Variants in TPST1 observed in about 807,000 individuals in gnomAD.
TPST1 encodes the protein tyrosylprotein sulfotransferase 1.
In TPST1, 20 loss-of-function variants were observed where a neutral mutation model predicts 34.8. The observed-to-expected ratio is 0.57, with a 90% confidence interval of 0.40 to 0.84. The LOEUF is 0.84. Ranked by LOEUF, TPST1 falls within the 40% of genes least tolerant of loss-of-function variation. TPST1 has a pLI of 0.00. For missense variants in TPST1, 353 were observed against 455.5 expected, an observed-to-expected ratio of 0.78 and a Z score of 2.05; for synonymous variants, 152 against 159.4, an observed-to-expected ratio of 0.95 and a Z score of 0.35.
chr7:66,280,831 A>T (rs916956804), intron 2 of TPST1, among the ~76,000 whole-genome samples: 9 of 152,172 alleles, frequency 5.9e-5, no homozygotes, highest in Non-Finnish European at 1.3e-4. Flanking sequence ...TTGAAGTTTG[A>T]TAGATAGCAT....
rs1789406363 is a variant in TPST1, at chr7:66,216,232, T to A, written c.-102+10710T>A. On this transcript the variant is annotated intron_variant, in intron 1 of 5. Coordinates refer to ENST00000304842, the MANE Select transcript of TPST1 (RefSeq NM_003596.4). ...TTTGTTGGATTATGCTTGTTTATGA[T>A]CACTTTTATTTTTGTAGGGTTGGTA... is the stretch of plus-strand genomic sequence containing the variant. Among the ~76,000 whole-genome samples, 3 of 152,192 alleles carry A rather than the reference T, an allele frequency of 2.0e-5. No individual in the cohort carries two copies. The South Asian group carries it at 6.2e-4, about 31-fold the overall frequency.
intron 3 of TPST1, among the ~76,000 whole-genome samples, chr7:66,339,202 C>T (rs1792184370): frequency 6.6e-6 from 1 of 151,800 alleles, no homozygotes; most frequent in East Asian, 1.9e-4. Context: ...ACAAAAAGAT[C>T]ATTAGAGACT....
At chr7:66,354,236 A>G (rs1326544345) in intron 4 of TPST1, among the ~76,000 whole-genome samples, 1 of 152,188 alleles carries the variant, frequency 6.6e-6, no homozygotes, top group African/African-American at 2.4e-5. Flanking sequence ...ACCTGGGCAG[A>G]TTCATGAACA....
chr7:66,315,519 C>T (rs148480887), intron 3 of TPST1, among the ~76,000 whole-genome samples: 85 of 152,320 alleles, frequency 5.6e-4, no homozygotes, highest in African/African-American at 1.9e-3. Flanking sequence ...AGAGCTTGAC[C>T]TCCTGGGGCA....
chr7:66,200,997 G>A (rs531654527), upstream of TPST1, among the ~76,000 whole-genome samples: 34 of 152,232 alleles, frequency 2.2e-4, 1 homozygote, highest in African/African-American at 7.9e-4. Flanking sequence ...CAAAGTGCTG[G>A]CATTACAGGT....
intron 3 of TPST1, among the ~76,000 whole-genome samples, chr7:66,329,719 T>G (rs1310067086): frequency 6.6e-6 from 1 of 152,196 alleles, no homozygotes; most frequent in East Asian, 1.9e-4. Flanking sequence ...CCACTTCCAT[T>G]AGATAAAGAA....
At chr7:66,234,804 G>A (rs1195661126) in intron 1 of TPST1, among the ~76,000 whole-genome samples, 1 of 150,908 alleles carries the variant, frequency 6.6e-6, no homozygotes, top group Non-Finnish European at 1.5e-5. Flanking sequence ...AGCCTCCCCA[G>A]TAGCTGGGAC....
the TPST1 span, among the ~76,000 whole-genome samples, chr7:66,200,170 T>TA: frequency 6.6e-6 from 1 of 152,158 alleles, no homozygotes; most frequent in Non-Finnish European, 1.5e-5. Flanking sequence ...GAGGTTGCTG[T>TA]AGTAAGGAGT....
At chr7:66,281,581 A>T (rs911464686) in intron 2 of TPST1, among the ~76,000 whole-genome samples, 5 of 152,172 alleles carry the variant, frequency 3.3e-5, no homozygotes. Context: ...ATCTTCTTTC[A>T]CAAGACATGA....
At chr7:66,348,298 T>G (rs1249647111) in intron 3 of TPST1, among the ~76,000 whole-genome samples, 1 of 152,186 alleles carries the variant, frequency 6.6e-6, no homozygotes, top group Non-Finnish European at 1.5e-5. Context: ...TAAAGTCCAA[T>G]CTAGTACTAC....
chr7:66,311,634 G>A (rs1361662383), intron 3 of TPST1, among the ~76,000 whole-genome samples: 1 of 152,196 alleles, frequency 6.6e-6, no homozygotes, highest in Non-Finnish European at 1.5e-5. Context: ...ACCTTCTAGT[G>A]CTTCAGGAGA....
chr7:66,237,939 A>G (rs1038772832), intron 1 of TPST1, among the ~76,000 whole-genome samples: 1 of 152,142 alleles, frequency 6.6e-6, no homozygotes. Context: ...TTATTTCTGT[A>G]ACTGTTACAG....
At chr7:66,242,312 A>G (rs1416386434) in intron 2 of TPST1, among the ~76,000 whole-genome samples, 2 of 152,112 alleles carry the variant, frequency 1.3e-5, no homozygotes, top group African/African-American at 4.8e-5. Context: ...AAAAGGTGTT[A>G]TATATACTTT....
At chr7:66,348,648 T>C (rs1562855503) in intron 3 of TPST1, among the ~76,000 whole-genome samples, 1 of 152,244 alleles carries the variant, frequency 6.6e-6, no homozygotes, top group African/African-American at 2.4e-5. Context: ...AATATTCAGA[T>C]GTCCAGAAAC....
At chr7:66,257,458 C>T (rs369852247) in intron 2 of TPST1, among the ~76,000 whole-genome samples, 9 of 152,134 alleles carry the variant, frequency 5.9e-5, no homozygotes, top group South Asian at 4.1e-4. Flanking sequence ...TTGATTCCAC[C>T]TCTGAGTTAT....
chr7:66,357,530 G>T (rs1211750185), intron 5 of TPST1, among the ~76,000 whole-genome samples: 1 of 152,200 alleles, frequency 6.6e-6, no homozygotes, highest in Non-Finnish European at 1.5e-5. Context: ...GTGCTACATT[G>T]TAGACAAGGC....
Position 66,360,166 on chromosome 7 carries a change from C to T in TPST1, c.*301C>T. The stretch of plus-strand genomic sequence containing the variant: ...GTTAAAACTCCTCTTGTTCTCTTTT[C>T]TTACATTATGACGTTTGTTTTCAAG... On this transcript the variant is annotated 3_prime_UTR_variant, in exon 6 of 6. Transcript: ENST00000304842. 3.1e-6 allele frequency: 1 copy of T among 322,584 alleles called. No homozygotes were observed. The highest frequency in any genetic ancestry group is 6.2e-6 in the Non-Finnish European group (1 of 161,724). The allele number at this position is 322,584 out of a possible 1,614,324, so 20.0% of individuals were successfully genotyped here. A position where few individuals can be genotyped will look rare whatever the true frequency, so the allele number is the denominator to read the frequency against.
intron 5 of TPST1, among the ~76,000 whole-genome samples, chr7:66,358,729 C>T (rs80276687): frequency 0.015 from 2,227 of 152,292 alleles, 59 homozygotes; most frequent in East Asian, 0.092. Flanking sequence ...CCCTGTGGGT[C>T]TGCATATTTA....
At position 66,235,368 on chromosome 7, in the gene TPST1, T is replaced by G. The variant is rs573050380; in HGVS notation, c.-101-4957T>G. Among the ~76,000 whole-genome samples the G allele has an allele frequency of 5.3e-5, 8 of 152,314 alleles. No individual in the cohort carries two copies. The South Asian group carries it at 1.5e-3, about 28-fold the overall frequency. Reference sequence around the variant, plus strand: ...ATACTTTTTTCTTTGCAGTTTTTTCTTATTAAGCTGATATTTTAATCTCAA... The same window carrying G: ...ATACTTTTTTCTTTGCAGTTTTTTCGTATTAAGCTGATATTTTAATCTCAA... On this transcript the variant is annotated intron_variant, in intron 1 of 5. Transcript: ENST00000304842.
Sources: gnomAD v4.1 joint callset for allele counts (sites outside exome capture counted in the v4.1 genomes callset) on GRCh38, gnomAD v4.1.1 for gene constraint, MANE v1.5 for transcripts, NCBI Gene and HGNC (gene_info 2026-07-23, HGNC 2026-07-21) for gene names.